The following DNMT1 variants were observed in gnomAD, a reference collection of about 807,000 sequenced individuals.
DNMT1 encodes the protein DNA methyltransferase 1.
In DNMT1, 24 loss-of-function variants were observed where a neutral mutation model predicts 205.3. That is an observed-to-expected ratio of 0.12 (90% CI 0.08 to 0.16). The LOEUF is 0.16. DNMT1 is among the 10% of genes least tolerant of loss of function. DNMT1 has a pLI of 1.00. For missense variants in DNMT1, 1,293 were observed against 2,177.7 expected, an observed-to-expected ratio of 0.59 and a Z score of 8.09; for synonymous variants, 817 against 839.8, an observed-to-expected ratio of 0.97 and a Z score of 0.47.
In DNMT1 at chr19:10,146,580, C is replaced by T; in HGVS notation, c.2721-56G>A. 1.9e-6 allele frequency: 3 copies of T among 1,607,844 alleles called. No homozygotes were observed. The highest frequency in any genetic ancestry group is 2.5e-6 in the Non-Finnish European group (3 of 1,176,714). On this transcript the variant is annotated intron_variant, in intron 27 of 40. Coordinates refer to ENST00000359526, the MANE Select transcript of DNMT1 (RefSeq NM_001130823.3). The surrounding 1 kb of genome is among the most constrained non-coding windows in gnomAD (Gnocchi z 4.4). ...GCCCTGAGGTGGCCGGCAGTGGCCG[C>T]AGCAGCTACTGCCAGCTTAATCCAG...
At position 10,180,493 on chromosome 19, in the gene DNMT1, C is replaced by T. The variant is rs1401130665; in HGVS notation, c.302G>A (p.Arg101Gln). Residue 101 changes from arginine (R) to glutamine (Q), a missense_variant, in exon 4 of 41, where the codon CGG becomes CAG. Physicochemically the swap from Arg to Gln is conservative, Grantham distance 43 (BLOSUM62 1). Transcript: ENST00000359526. Reference protein sequence around the residue: ...SLENGAHAYNREVNGRLENGN... With the variant: ...SLENGAHAYNQEVNGRLENGN... Reference sequence around the variant, plus strand: ...GTTTTCTAGACGTCCATTCACTTCCCGGTTGTAAGCATGAGCACCGTTCTC... The same window carrying T: ...GTTTTCTAGACGTCCATTCACTTCCTGGTTGTAAGCATGAGCACCGTTCTC... 5.0e-6 allele frequency: 8 copies of T among 1,613,956 alleles called. No homozygotes were observed. Among genetic ancestry groups the T allele is most frequent in the African/African-American group, 4.0e-5 (3 of 74,888 alleles).
chr19:10,137,306 G>C lies in DNMT1; in HGVS notation c.4294-26C>G, dbSNP rs2089505236. 1 of 1,584,042 alleles carries C rather than the reference G, an allele frequency of 6.3e-7. No individual in the cohort carries two copies. The highest frequency in any genetic ancestry group is 1.1e-5 in the South Asian group (1 of 87,140). ...CTGAAAGAGTGTGGGGGGCCCAGCT[G>C]TCACCTCATGTGAGCAGCATCCGAG... On this transcript the variant is annotated intron_variant, in intron 36 of 40. Coordinates refer to ENST00000359526, the MANE Select transcript of DNMT1 (RefSeq NM_001130823.3). This position sits in a 1 kb window ranked among gnomAD's most constrained non-coding sequence, Gnocchi z 6.4.
intron 1 of DNMT1, among the ~76,000 whole-genome samples, chr19:10,184,735 C>T (rs2039144575): frequency 1.3e-5 from 2 of 152,188 alleles, no homozygotes; most frequent in East Asian, 1.9e-4. Flanking sequence ...GTGCTAACTA[C>T]AGACTGCGGG....
In DNMT1 at chr19:10,138,004, C is replaced by A. The variant is rs774538556; in HGVS notation, c.4121G>T (p.Ser1374Ile). The A allele has an allele frequency of 6.2e-7, 1 of 1,610,268 alleles. No individual in the cohort carries two copies. The highest frequency in any genetic ancestry group is 8.5e-7 in the Non-Finnish European group (1 of 1,178,612). The change falls in exon 36 of 41, where the codon AGC (serine) becomes ATC (isoleucine). Residue 1374 changes from serine to isoleucine, a missense_variant. By Grantham distance (142) the Ser-to-Ile change is moderately radical. Around this residue, in one of 13 missense-constraint regions of DNMT1, gnomAD observed 148 missense variants for 256.1 expected, o/e 0.58. Coordinates refer to ENST00000359526, the MANE Select transcript of DNMT1 (RefSeq NM_001130823.3). This position sits in a 1 kb window ranked among gnomAD's most constrained non-coding sequence, Gnocchi z 4.1. ...CGTGATGGTCCGGAAAGGACCCGAG[C>A]TCAACCTGCAACAGAGGAGGAGGTC... Reference protein sequence around the residue: ...KKFVSNITRLSSGPFRTITVR... With the variant: ...KKFVSNITRLISGPFRTITVR...
chr19:10,190,156 T>C (rs1469869208), intron 1 of DNMT1, among the ~76,000 whole-genome samples: 2 of 152,166 alleles, frequency 1.3e-5, no homozygotes, highest in Admixed American at 1.3e-4. Context: ...GTTCAAGACC[T>C]AGCTTAATCC....
At position 10,149,839 on chromosome 19, in the gene DNMT1, A is replaced by G; in HGVS notation, c.2381+14T>C. ...AAGTGCATGCAGAAGTCAAGCAAAAAGAAAGATGCAAACCTTGCTAGATAC... is the reference window on the plus strand; with the variant it reads ...AAGTGCATGCAGAAGTCAAGCAAAAGGAAAGATGCAAACCTTGCTAGATAC... On this transcript the variant is annotated intron_variant, in intron 25 of 40. Coordinates refer to ENST00000359526, the MANE Select transcript of DNMT1 (RefSeq NM_001130823.3). 1.2e-6 allele frequency: 2 copies of G among 1,614,010 alleles called. No homozygotes were observed. The highest frequency in any genetic ancestry group is 1.7e-6 in the Non-Finnish European group (2 of 1,179,830).
chr19:10,184,797 G>T (rs1477097311), intron 1 of DNMT1, among the ~76,000 whole-genome samples: 2 of 152,232 alleles, frequency 1.3e-5, no homozygotes, highest in African/African-American at 4.8e-5. Context: ...GAGAGAAGGT[G>T]CCCCAGGCAG....
chr19:10,163,597 C>T (rs949534304), intron 11 of DNMT1, among the ~76,000 whole-genome samples: 4 of 152,160 alleles, frequency 2.6e-5, no homozygotes, highest in Admixed American at 1.3e-4. Flanking sequence ...TAGACCAGGG[C>T]TTGGCAAACT....
intron 1 of DNMT1, among the ~76,000 whole-genome samples, chr19:10,189,741 A>G (rs10420321): frequency 0.12 from 17,850 of 151,956 alleles, 1,504 homozygotes; most frequent in East Asian, 0.4. Flanking sequence ...TTTTACACAT[A>G]CTAGGAAACC....
intron 19 of DNMT1, among the ~76,000 whole-genome samples, chr19:10,155,294 T>C (rs1301318669): frequency 2.0e-5 from 3 of 151,994 alleles, no homozygotes; most frequent in South Asian, 2.1e-4. Context: ...TCTCTGGTGT[T>C]TGGAATTCAG....
At position 10,154,539 on chromosome 19, in the gene DNMT1, C is replaced by A; in HGVS notation, c.1832+47G>T. 6.2e-7 allele frequency: 1 copy of A among 1,614,046 alleles called. No individual in the cohort carries two copies. The highest frequency in any genetic ancestry group is 8.5e-7 in the Non-Finnish European group (1 of 1,179,996). On this transcript the variant is annotated intron_variant, in intron 21 of 40. Transcript: ENST00000359526. The surrounding 1 kb of genome is among the most constrained non-coding windows in gnomAD (Gnocchi z 6.3). Reference sequence around the variant, plus strand: ...GACAGAGGATGTGGGCCATGCTCTACCCTCCCCGGTCTCCAGTCTTCACTC... The same window carrying A: ...GACAGAGGATGTGGGCCATGCTCTAACCTCCCCGGTCTCCAGTCTTCACTC...
At chr19:10,170,178 G>C (rs981570795) in intron 9 of DNMT1, among the ~76,000 whole-genome samples, 1 of 151,982 alleles carries the variant, frequency 6.6e-6, no homozygotes, top group Non-Finnish European at 1.5e-5. Context: ...CCAGCTACTG[G>C]AGAGGCTGAG....
rs897966110 is a variant in DNMT1, at chr19:10,168,233, T to A, written c.803+97A>T. The A allele has an allele frequency of 2.2e-6, 3 of 1,388,626 alleles. No individual in the cohort carries two copies. The East Asian group carries it at 6.9e-5, about 32-fold the overall frequency. The allele number at this position is 1,388,626 out of a possible 1,614,324, so 86.0% of individuals were successfully genotyped here. On this transcript the variant is annotated intron_variant, in intron 10 of 40. Coordinates refer to ENST00000359526, the MANE Select transcript of DNMT1 (RefSeq NM_001130823.3). ...GCCCACATAAGAGACATATGATTAG[T>A]GCCCACTGTTCCACACCAACCCGTT...
At chr19:10,157,877 TG>T in intron 17 of DNMT1, among the ~76,000 whole-genome samples, 1 of 152,298 alleles carries the variant, frequency 6.6e-6, no homozygotes, top group East Asian at 1.9e-4. Flanking sequence ...AGGGGAGACA[TG>T]GGAGAGAAGC....
rs28398225 is a variant in DNMT1, at chr19:10,169,418, G to T, written c.769-1054C>A. Among the ~76,000 whole-genome samples, 716 of 150,654 alleles carry T rather than the reference G, an allele frequency of 4.8e-3. 3 individuals carry two copies. The highest frequency in any genetic ancestry group is 0.016 in the African/African-American group (673 of 40,800). On this transcript the variant is annotated intron_variant, in intron 9 of 40. Transcript: ENST00000359526. Reference sequence around the variant, plus strand: ...AAAAAAAAAAAAAAATTAGCCGGGCGTGTTGGCGGGCGCCTGCAGTCCCAG... The same window carrying T: ...AAAAAAAAAAAAAAATTAGCCGGGCTTGTTGGCGGGCGCCTGCAGTCCCAG...
chr19:10,141,766 G>A (rs1403215279), intron 30 of DNMT1: 6 of 514,206 alleles, frequency 1.2e-5, no homozygotes, highest in African/African-American at 5.7e-5. Context: ...ACACTAAAAC[G>A]TTAGGTTCTC....
At chr19:10,182,004 G>C (rs761651513) in intron 2 of DNMT1, 37 bp downstream of exon 2, 39 of 1,590,482 alleles carry the variant, frequency 2.5e-5, no homozygotes, top group Non-Finnish European at 3.2e-5. Flanking sequence ...GTGTCAGTCA[G>C]ATTTGGTAAT....
intron 1 of DNMT1, among the ~76,000 whole-genome samples, chr19:10,193,942 C>T (rs1206995039): frequency 2.0e-5 from 3 of 152,172 alleles, no homozygotes; most frequent in African/African-American, 7.2e-5. Context: ...TCCCACTGAT[C>T]CTTGTGCACG....
At chr19:10,172,336 G>A (rs979208945) in intron 9 of DNMT1, among the ~76,000 whole-genome samples, 4 of 150,442 alleles carry the variant, frequency 2.7e-5, no homozygotes, top group African/African-American at 9.8e-5. Context: ...AACCCGGGAG[G>A]CAGAGGTTGC....
Sources: allele counts gnomAD v4.1 joint callset (sites outside exome capture counted in the v4.1 genomes callset), GRCh38; gene constraint gnomAD v4.1.1; regional missense constraint gnomAD v4.1.1; non-coding constraint Gnocchi (gnomAD v3.1); transcripts MANE v1.5; gene names NCBI Gene and HGNC (gene_info 2026-07-23, HGNC 2026-07-21).